Variants in UNC79 observed in about 807,000 individuals in gnomAD.
UNC79 encodes protein unc-79 homolog.
A neutral mutation model predicts 283.1 loss-of-function variants in UNC79; 37 were observed. That is an observed-to-expected ratio of 0.13 (90% CI 0.10 to 0.17). The LOEUF (loss-of-function observed/expected upper bound fraction) is 0.17, where lower values mean the gene tolerates loss of function less well. Among genes scored for constraint, UNC79 ranks in the 10% least tolerant of loss-of-function variants. The pLI is 1.00. For synonymous variants in UNC79, 1,107 were observed against 1,200.2 expected (o/e 0.92, Z 1.61); for missense variants, 2,272 against 3,211.1 (o/e 0.71, Z 7.07).
chr14:93,658,728 T>C (rs989596318), intron 38 of UNC79, among the ~76,000 whole-genome samples: 1 of 152,210 alleles, frequency 6.6e-6, no homozygotes, highest in African/African-American at 2.4e-5. Flanking sequence ...ATTCATGGTT[T>C]TTTTAAAAAT....
chr14:93,511,594 T>C (rs1414634172), intron 7 of UNC79, among the ~76,000 whole-genome samples: 2 of 152,054 alleles, frequency 1.3e-5, no homozygotes, highest in South Asian at 2.1e-4. Context: ...ATTACAGGCA[T>C]GTGCCACCAC....
At chr14:93,417,387 A>T (rs974154877) in intron 1 of UNC79, among the ~76,000 whole-genome samples, 1 of 152,168 alleles carries the variant, frequency 6.6e-6, no homozygotes, top group Non-Finnish European at 1.5e-5. Context: ...CTGCCGAGAG[A>T]TCCGCTGTTA....
At chr14:93,646,745 C>T (rs999657555) in intron 35 of UNC79, 99 bp downstream of exon 38, 24 of 1,343,504 alleles carry the variant, frequency 1.8e-5, no homozygotes, top group Admixed American at 9.4e-5. Flanking sequence ...TGCAGTGGCT[C>T]GCGTCTGTAA....
At chr14:93,576,154 A>C (rs1427818228) in intron 17 of UNC79, among the ~76,000 whole-genome samples, 8 of 152,200 alleles carry the variant, frequency 5.3e-5, no homozygotes, top group Non-Finnish European at 8.8e-5. Flanking sequence ...CCAGGGAAGA[A>C]CTCATTATCT....
intron 41 of UNC79, among the ~76,000 whole-genome samples, chr14:93,681,505 G>T (rs1160672545): frequency 6.6e-6 from 1 of 152,190 alleles, no homozygotes; most frequent in East Asian, 1.9e-4. Context: ...AGGCCTCCTA[G>T]AGATTTACTC....
At chr14:93,377,931 T>C (rs114980410) in intron 1 of UNC79, among the ~76,000 whole-genome samples, 13 of 152,336 alleles carry the variant, frequency 8.5e-5, no homozygotes, top group African/African-American at 3.1e-4. Context: ...TTTTTACTGG[T>C]AGACAACAAC....
intron 1 of UNC79, among the ~76,000 whole-genome samples, chr14:93,465,074 A>G (rs2057114845): frequency 6.6e-6 from 1 of 151,914 alleles, no homozygotes; most frequent in Non-Finnish European, 1.5e-5. Context: ...TTTCATGATT[A>G]CTCACCACTC....
intron 1 of UNC79, among the ~76,000 whole-genome samples, chr14:93,380,599 G>A (rs1040449212): frequency 1.3e-5 from 2 of 152,288 alleles, no homozygotes; most frequent in East Asian, 1.9e-4. Context: ...TGCAGTAAGA[G>A]CTTTGTTTGT....
intron 24 of UNC79, among the ~76,000 whole-genome samples, chr14:93,599,861 T>C (rs1289063772): frequency 6.6e-6 from 1 of 152,226 alleles, no homozygotes; most frequent in Non-Finnish European, 1.5e-5. Context: ...CTGTGTATTC[T>C]AAAATGTAAC....
At position 93,393,684 on chromosome 14, in the gene UNC79, T is replaced by A. The variant is rs2054930841; in HGVS notation, c.-351+60161T>A. Among the ~76,000 whole-genome samples the A allele has an allele frequency of 1.3e-5, 2 of 152,196 alleles. 1 individual carries two copies. The highest frequency in any genetic ancestry group is 4.1e-4 in the South Asian group (2 of 4,834). ...AGCATTTTCCTTAGAATATTCTTTT[T>A]ATAGGAACAATAAAATTGAAGCAAT... On this transcript the variant is annotated intron_variant, in intron 1 of 49. Coordinates refer to the UNC79 transcript ENST00000256339.
chr14:93,424,845 T>A (rs546159606), intron 1 of UNC79, among the ~76,000 whole-genome samples: 1 of 152,190 alleles, frequency 6.6e-6, no homozygotes, highest in Admixed American at 6.5e-5. Context: ...ATTGCACATT[T>A]AAAAATAACA....
At chr14:93,501,352 A>G in intron 7 of UNC79, among the ~76,000 whole-genome samples, 1 of 150,664 alleles carries the variant, frequency 6.6e-6, no homozygotes, top group Admixed American at 6.6e-5. Flanking sequence ...TAAAAAAAAA[A>G]GCAAAATTTT....
chr14:93,528,410 C>T, intron 8 of UNC79, 148 bp from the exon 9 acceptor site: 1 of 663,694 alleles, frequency 1.5e-6, no homozygotes, highest in Non-Finnish European at 2.5e-6. Context: ...CAGGGAGAAA[C>T]ATTTATCGGT....
At chr14:93,616,656 C>T (rs1358078738) in intron 27 of UNC79, among the ~76,000 whole-genome samples, 1 of 152,096 alleles carries the variant, frequency 6.6e-6, no homozygotes, top group Non-Finnish European at 1.5e-5. Flanking sequence ...AGCCACTGCA[C>T]CTGGCATGTG....
At chr14:93,452,864 T>A (rs1040178707) in intron 1 of UNC79, among the ~76,000 whole-genome samples, 9 of 152,206 alleles carry the variant, frequency 5.9e-5, no homozygotes, top group African/African-American at 2.2e-4. Context: ...CTATTATAGT[T>A]ATAGTTTTAA....
At chr14:93,407,544 A>T (rs1033351424) in intron 1 of UNC79, among the ~76,000 whole-genome samples, 3 of 152,152 alleles carry the variant, frequency 2.0e-5, no homozygotes, top group Non-Finnish European at 4.4e-5. Flanking sequence ...GGAGAGGAAA[A>T]TACATCTGTT....
intron 17 of UNC79, among the ~76,000 whole-genome samples, chr14:93,575,529 A>C (rs985765097): frequency 6.6e-6 from 1 of 152,002 alleles, no homozygotes; most frequent in Non-Finnish European, 1.5e-5. Context: ...TCAGTGCTTC[A>C]CTTTGGGGGT....
chr14:93,415,082 C>T (rs1237077330), intron 1 of UNC79, among the ~76,000 whole-genome samples: 1 of 152,174 alleles, frequency 6.6e-6, no homozygotes, highest in Non-Finnish European at 1.5e-5. Context: ...TGAGAAAGGG[C>T]ATCCCTGTCT....
chr14:93,486,688 T>G, intron 4 of UNC79, among the ~76,000 whole-genome samples: 1 of 146,624 alleles, frequency 6.8e-6, no homozygotes. Context: ...AGAAAGAAAG[T>G]CCTCTTGGGA....
Sources: allele counts gnomAD v4.1 joint callset (sites outside exome capture counted in the v4.1 genomes callset), GRCh38; gene constraint gnomAD v4.1.1; transcripts MANE v1.5; gene names NCBI Gene and HGNC (gene_info 2026-07-23, HGNC 2026-07-21).